EMID1: variants seen among roughly 807,000 people sequenced by gnomAD.
The protein encoded by EMID1 is EMI domain-containing protein 1.
EMID1 carries 40 observed loss-of-function variants against 60.6 expected under a neutral mutation model. That is an observed-to-expected ratio of 0.66 (90% CI 0.51 to 0.86). The LOEUF is 0.86. Ranked by LOEUF, EMID1 falls within the 40% of genes least tolerant of loss-of-function variation. The pLI is 0.00. For missense variants in EMID1, 585 were observed against 597.1 expected (o/e 0.98, Z 0.21); for synonymous variants, 242 against 231.0 (o/e 1.05, Z -0.43).
chr22:29,209,628 C>A (rs2039807704), intron 1 of EMID1, among the ~76,000 whole-genome samples: 2 of 152,214 alleles, frequency 1.3e-5, no homozygotes, highest in Admixed American at 1.3e-4. Flanking sequence ...CTCATGCCCT[C>A]CTCCAGCACC....
intron 5 of EMID1, among the ~76,000 whole-genome samples, chr22:29,227,402 T>C (rs1483946768): frequency 1.3e-5 from 2 of 151,956 alleles, no homozygotes; most frequent in African/African-American, 2.4e-5. Context: ...AACTTTTTTT[T>C]TTTTTTAAAT....
intron 14 of EMID1, among the ~76,000 whole-genome samples, chr22:29,258,068 A>G (rs2041768340): frequency 6.6e-6 from 1 of 152,214 alleles, no homozygotes; most frequent in African/African-American, 2.4e-5. Flanking sequence ...GGTGTTTACC[A>G]GAACCCAAGT....
At chr22:29,244,625 C>T (rs2041261840) in intron 13 of EMID1, among the ~76,000 whole-genome samples, 1 of 141,796 alleles carries the variant, frequency 7.1e-6, no homozygotes, top group Non-Finnish European at 1.5e-5. Flanking sequence ...GGCGACGGAA[C>T]GAGACTCTGT....
chr22:29,222,125 G>A (rs1307160547), intron 3 of EMID1, among the ~76,000 whole-genome samples: 1 of 152,052 alleles, frequency 6.6e-6, no homozygotes, highest in Admixed American at 6.6e-5. Context: ...ATTTTTTTTA[G>A]ATAGGGTCTC....
chr22:29,245,451 G>A (rs190283496), intron 13 of EMID1, among the ~76,000 whole-genome samples: 246 of 152,276 alleles, frequency 1.6e-3, no homozygotes, highest in African/African-American at 5.7e-3. Context: ...TGGGCTCCCC[G>A]CAAGAGGTAG....
chr22:29,220,048 C>G (rs532991502), intron 3 of EMID1, among the ~76,000 whole-genome samples: 1 of 152,292 alleles, frequency 6.6e-6, no homozygotes, highest in South Asian at 2.1e-4. Flanking sequence ...TCCTGCCAGC[C>G]CATCCTGCAC....
At chr22:29,249,771 C>T (rs1679358092) in intron 13 of EMID1, among the ~76,000 whole-genome samples, 1 of 150,292 alleles carries the variant, frequency 6.7e-6, no homozygotes, top group South Asian at 2.1e-4. Flanking sequence ...CCTGCCACCA[C>T]GCCTGGCTAA....
In EMID1 at chr22:29,232,171, C is replaced by G. The variant is rs981880686; in HGVS notation, c.677-85C>G. ...GGGGCCCTCTCTCATGCCCACTGCT[C>G]CAGGCTGCCTTGTCCTGTCGCTCAA... is the stretch of plus-strand genomic sequence containing the variant. On this transcript the variant is annotated intron_variant, in intron 7 of 14. Transcript: ENST00000334018. 3 of 1,560,398 alleles carry G rather than the reference C, an allele frequency of 1.9e-6. No individual in the cohort carries two copies. The East Asian group carries it at 6.7e-5, about 35-fold the overall frequency.
At chr22:29,229,510 G>T (rs1386446188) in intron 5 of EMID1, among the ~76,000 whole-genome samples, 4 of 152,068 alleles carry the variant, frequency 2.6e-5, no homozygotes, top group African/African-American at 9.7e-5. Context: ...AGGCTTGGTG[G>T]CGCATGCCTG....
intron 3 of EMID1, among the ~76,000 whole-genome samples, chr22:29,224,519 C>T (rs2040426142): frequency 6.6e-6 from 1 of 152,208 alleles, no homozygotes; most frequent in South Asian, 2.1e-4. Flanking sequence ...GAACTGGCTC[C>T]CCTTGCCCTC....
chr22:29,250,928 T>C (rs1378552947), intron 13 of EMID1, among the ~76,000 whole-genome samples: 2 of 149,118 alleles, frequency 1.3e-5, no homozygotes, highest in Non-Finnish European at 1.5e-5. Context: ...TTTTATTTTT[T>C]ATTTTTTGAG....
At chr22:29,215,954 C>T (rs2040066201) in intron 3 of EMID1, among the ~76,000 whole-genome samples, 1 of 152,224 alleles carries the variant, frequency 6.6e-6, no homozygotes, top group Non-Finnish European at 1.5e-5. Flanking sequence ...GACACGATAA[C>T]AGACATTACA....
chr22:29,243,677 C>G (rs890415500), intron 13 of EMID1, among the ~76,000 whole-genome samples, 188 bp downstream of exon 13: 1 of 152,240 alleles, frequency 6.6e-6, no homozygotes, highest in Non-Finnish European at 1.5e-5. Context: ...TTGCTCCCAA[C>G]CGGGCAGGGC....
At chr22:29,249,587 A>ATTTATTATTTATTTATTTAT (rs1267032933) in intron 13 of EMID1, among the ~76,000 whole-genome samples, 4 of 139,502 alleles carry the variant, frequency 2.9e-5, no homozygotes, top group African/African-American at 1.1e-4. Flanking sequence ...AAATACCTTT[A>ATTTATTATTTATTTATTTAT]TTATTTATTT....
At chr22:29,245,305 G>A (rs1259537428) in intron 13 of EMID1, among the ~76,000 whole-genome samples, 1 of 152,220 alleles carries the variant, frequency 6.6e-6, no homozygotes, top group African/African-American at 2.4e-5. Flanking sequence ...CTCTCCCAGA[G>A]GCCCTTGGTC....
intron 2 of EMID1, 27 bp downstream of exon 2, chr22:29,215,066 G>A: frequency 6.6e-7 from 1 of 1,511,486 alleles, no homozygotes; most frequent in Non-Finnish European, 8.9e-7. Context: ...AGGAACTGAT[G>A]GCATTCCAGG....
chr22:29,219,360 T>C (rs1258013500), intron 3 of EMID1, among the ~76,000 whole-genome samples: 1 of 152,092 alleles, frequency 6.6e-6, no homozygotes, highest in Non-Finnish European at 1.5e-5. Context: ...CTGCCTCTGC[T>C]TCCCCCTCAT....
Position 29,225,223 on chromosome 22 carries a change from C to A in EMID1, c.403+7C>A. ...CGGCCCACAGCCTTCTCAGGTGGGT[C>A]CTGGGATAGCTTCTTGAGGTCCCCC... On this transcript the variant is annotated splice_region_variant and intron_variant, in intron 4 of 14. Transcript: ENST00000334018. 1 of 1,613,030 alleles carries A rather than the reference C, an allele frequency of 6.2e-7. No individual in the cohort carries two copies. Among genetic ancestry groups the A allele is most frequent in the Non-Finnish European group, 8.5e-7 (1 of 1,179,708 alleles).
chr22:29,222,492 C>T (rs1417833381), intron 3 of EMID1, among the ~76,000 whole-genome samples: 1 of 148,364 alleles, frequency 6.7e-6, no homozygotes, highest in African/African-American at 2.5e-5. Flanking sequence ...GCAACCTCCG[C>T]TCCCAGGTTC....
Sources: allele counts gnomAD v4.1 joint callset (sites outside exome capture counted in the v4.1 genomes callset), GRCh38; gene constraint gnomAD v4.1.1; transcripts MANE v1.5; gene names NCBI Gene and HGNC (gene_info 2026-07-23, HGNC 2026-07-21).